Variants in ANKRD33B observed in about 807,000 individuals in gnomAD.
ANKRD33B encodes ankyrin repeat domain 33B.
In ANKRD33B, 6 loss-of-function variants were observed where a neutral mutation model predicts 21.5. That is an observed-to-expected ratio of 0.28 (90% CI 0.15 to 0.55). The LOEUF (loss-of-function observed/expected upper bound fraction) is 0.55. ANKRD33B is among the 20% of genes least tolerant of loss of function. ANKRD33B has a pLI of 0.94. For synonymous variants in ANKRD33B, 347 were observed against 342.4 expected, an observed-to-expected ratio of 1.01 and a Z score of -0.15; for missense variants, 698 against 747.2, an observed-to-expected ratio of 0.93 and a Z score of 0.77.
intron 1 of ANKRD33B, among the ~76,000 whole-genome samples, chr5:10,579,908 T>C (rs570276862): frequency 1.2e-4 from 19 of 152,324 alleles, no homozygotes; most frequent in African/African-American, 4.6e-4. Context: ...TTTGTACAAT[T>C]ATCCCCACAG....
At position 10,649,795 on chromosome 5, in the gene ANKRD33B, C is replaced by A; in HGVS notation, c.1167C>A (p.Pro389=). 2 of 1,396,156 alleles carry A rather than the reference C, an allele frequency of 1.4e-6. No homozygotes were observed. The highest frequency in any genetic ancestry group is 1.6e-5 in the South Asian group (1 of 64,388). The allele number at this position is 1,396,156 out of a possible 1,614,324, so 86.5% of individuals were successfully genotyped here. A position where few individuals can be genotyped will look rare whatever the true frequency, so the allele number is the denominator to read the frequency against. ...REGSPRAGLP[P]ALGSRGPAAP... is the part of the protein sequence containing the mutation. ...GCTCCCCGAGAGCCGGCCTCCCTCCCGCCCTGGGGTCCCGGGGCCCCGCAG... is the reference window on the plus strand; with the variant it reads ...GCTCCCCGAGAGCCGGCCTCCCTCCAGCCCTGGGGTCCCGGGGCCCCGCAG... The change falls in exon 4 of 4, where the codon CCC becomes CCA. Residue 389 remains proline, a synonymous_variant. Transcript: ENST00000296657.
At chr5:10,633,412 T>C (rs1736779890) in intron 2 of ANKRD33B, among the ~76,000 whole-genome samples, 2 of 137,580 alleles carry the variant, frequency 1.5e-5, no homozygotes, top group Admixed American at 1.5e-4. Flanking sequence ...CTCCTCTTTT[T>C]TTAAAATAAA....
In ANKRD33B at chr5:10,608,213, A is replaced by AG. The variant is rs1385704621; in HGVS notation, c.367-10120_367-10119insG. ...AAAAAATACAAAAAAAAAAAAAAAAATGGGCGTGGTGGTGCATGACTGTAG... is the reference window on the plus strand; with the variant it reads ...AAAAAATACAAAAAAAAAAAAAAAAAGTGGGCGTGGTGGTGCATGACTGTAG... On this transcript the variant is annotated intron_variant, in intron 1 of 3. Coordinates refer to ENST00000296657, the MANE Select transcript of ANKRD33B (RefSeq NM_001164440.2). Among the ~76,000 whole-genome samples, 21 of 150,534 alleles carry AG rather than the reference A, an allele frequency of 1.4e-4. No individual in the cohort carries two copies. In the East Asian group the frequency reaches 4.1e-3, roughly 29 times the overall value.
chr5:10,636,362 A>T (rs1043008869), intron 2 of ANKRD33B, among the ~76,000 whole-genome samples: 12 of 152,220 alleles, frequency 7.9e-5, no homozygotes. Context: ...CTGGAATCCC[A>T]GCACTTTGGG....
At chr5:10,613,134 G>A (rs960150998) in intron 1 of ANKRD33B, among the ~76,000 whole-genome samples, 1 of 152,162 alleles carries the variant, frequency 6.6e-6, no homozygotes, top group Non-Finnish European at 1.5e-5. Context: ...TGGTGCTTCA[G>A]TCTCTCCCCT....
rs1460864963 is a variant in ANKRD33B, at chr5:10,564,297, G to T, written c.-171G>T. On this transcript the variant is annotated 5_prime_UTR_variant, in exon 1 of 4. Transcript: ENST00000296657. ...CCCAGGGGCTCGCTCAGCCTCCGGAGACTTTTTTCTTTGAGCGCAGCCGCC... is the reference window on the plus strand; with the variant it reads ...CCCAGGGGCTCGCTCAGCCTCCGGATACTTTTTTCTTTGAGCGCAGCCGCC... The T allele has an allele frequency of 1.6e-5, 5 of 309,414 alleles. No individual in the cohort carries two copies. Among genetic ancestry groups the T allele is most frequent in the Middle Eastern group, 1.5e-3 (1 of 656 alleles). The allele number at this position is 309,414 out of a possible 1,614,324, so 19.2% of individuals were successfully genotyped here. A position where few individuals can be genotyped will look rare whatever the true frequency, so the allele number is the denominator to read the frequency against.
intron 1 of ANKRD33B, among the ~76,000 whole-genome samples, chr5:10,588,794 G>A (rs1735620473): frequency 6.6e-6 from 1 of 152,230 alleles, no homozygotes; most frequent in Admixed American, 6.5e-5. Flanking sequence ...GCATGAGCAG[G>A]AAGCAGACGT....
chr5:10,610,396 G>A (rs890171619), intron 1 of ANKRD33B, among the ~76,000 whole-genome samples: 1 of 150,802 alleles, frequency 6.6e-6, no homozygotes, highest in African/African-American at 2.5e-5. Flanking sequence ...ATAGTACAGG[G>A]GACAGCCCCC....
intron 1 of ANKRD33B, among the ~76,000 whole-genome samples, chr5:10,575,978 T>TACACTC (rs149743506): frequency 1.3e-5 from 2 of 149,960 alleles, no homozygotes; most frequent in Non-Finnish European, 3.0e-5. Context: ...GATGGACGTA[T>TACACTC]ACACACACAC....
chr5:10,590,607 CGT>C (rs796913943), intron 1 of ANKRD33B, among the ~76,000 whole-genome samples: 3,170 of 84,384 alleles, frequency 0.038, 75 homozygotes, highest in Admixed American at 0.14. Flanking sequence ...CGCGCGCGCG[CGT>C]GTGTGTGTGT....
intron 1 of ANKRD33B, among the ~76,000 whole-genome samples, chr5:10,565,515 G>A (rs886492227): frequency 6.6e-6 from 1 of 152,258 alleles, no homozygotes; most frequent in African/African-American, 2.4e-5. Flanking sequence ...CCAGAGTCAG[G>A]GCATAGGGAG....
chr5:10,612,174 A>G (rs75883160), intron 1 of ANKRD33B, among the ~76,000 whole-genome samples: 3,645 of 152,270 alleles, frequency 0.024, 75 homozygotes, highest in Middle Eastern at 0.037. Flanking sequence ...TTGTTTGGAG[A>G]ATAGCTTAAT....
intron 1 of ANKRD33B, among the ~76,000 whole-genome samples, chr5:10,599,073 T>C (rs958794787): frequency 1.3e-5 from 2 of 152,194 alleles, no homozygotes; most frequent in Middle Eastern, 3.2e-3. Context: ...TCAGTCCCTG[T>C]CTCATCAGAG....
At chr5:10,609,484 G>A (rs931417167) in intron 1 of ANKRD33B, among the ~76,000 whole-genome samples, 22 of 152,104 alleles carry the variant, frequency 1.4e-4, no homozygotes, top group African/African-American at 4.8e-4. Context: ...CCTGGGAGGC[G>A]AAGGCTGCAG....
chr5:10,649,230 C>T (rs1737261385), intron 3 of ANKRD33B, 36 bp from the exon 4 acceptor site: 4 of 1,490,042 alleles, frequency 2.7e-6, no homozygotes, highest in Non-Finnish European at 3.6e-6. Flanking sequence ...TCCTTGTTGC[C>T]GCCACCCACT....
chr5:10,641,978 T>A (rs1737073209), intron 3 of ANKRD33B, among the ~76,000 whole-genome samples: 3 of 152,234 alleles, frequency 2.0e-5, no homozygotes, highest in Admixed American at 2.0e-4. Context: ...CTTTTGTGTT[T>A]GGCGGGAGCT....
chr5:10,622,794 C>CTTTTTT (rs1436392852), intron 2 of ANKRD33B, among the ~76,000 whole-genome samples: 11 of 78,588 alleles, frequency 1.4e-4, no homozygotes, highest in Admixed American at 2.1e-4. Context: ...TTTGTTTTTG[C>CTTTTTT]TTTATTTTAT....
intron 2 of ANKRD33B, chr5:10,624,732 C>A (rs1380656707): frequency 2.2e-6 from 1 of 456,712 alleles, no homozygotes; most frequent in East Asian, 6.9e-5. Context: ...CAGGGGCTGC[C>A]CCTGTCCCCA....
At chr5:10,572,108 C>A (rs1003712530) in intron 1 of ANKRD33B, among the ~76,000 whole-genome samples, 1 of 152,104 alleles carries the variant, frequency 6.6e-6, no homozygotes, top group Non-Finnish European at 1.5e-5. Flanking sequence ...AGGCTGGTCT[C>A]GAACTCCTGA....
Sources: gnomAD v4.1 joint callset for allele counts (sites outside exome capture counted in the v4.1 genomes callset) on GRCh38, gnomAD v4.1.1 for gene constraint, MANE v1.5 for transcripts, NCBI Gene and HGNC (gene_info 2026-07-23, HGNC 2026-07-21) for gene names.